Variants in THEMIS observed in about 807,000 individuals in gnomAD.
THEMIS encodes the protein protein THEMIS.
THEMIS carries 37 observed loss-of-function variants against 52.6 expected under a neutral mutation model. The ratio of observed to expected loss-of-function variants is 0.70; its 90% CI spans 0.54 to 0.93. THEMIS has a LOEUF of 0.93. THEMIS is among the 40% of genes least tolerant of loss of function. The pLI is 0.00. For missense variants in THEMIS, 808 were observed against 763.1 expected, an observed-to-expected ratio of 1.06 and a Z score of -0.69; for synonymous variants, 292 against 272.7, an observed-to-expected ratio of 1.07 and a Z score of -0.70.
At chr6:127,853,763 T>C (rs1779511232) in intron 2 of THEMIS, among the ~76,000 whole-genome samples, 1 of 151,662 alleles carries the variant, frequency 6.6e-6, no homozygotes, top group African/African-American at 2.4e-5. Flanking sequence ...ACACTAAATA[T>C]ATTTCAATAC....
At chr6:127,821,115 C>T (rs566612594) in intron 3 of THEMIS, among the ~76,000 whole-genome samples, 2 of 151,532 alleles carry the variant, frequency 1.3e-5, no homozygotes, top group Non-Finnish European at 3.0e-5. Flanking sequence ...TTTTAGACAA[C>T]AACGGCTTAT....
intron 4 of THEMIS, among the ~76,000 whole-genome samples, chr6:127,753,056 T>C (rs904274937): frequency 1.3e-5 from 2 of 151,808 alleles, no homozygotes; most frequent in Admixed American, 6.6e-5. Context: ...GGAATGATGA[T>C]TAAAAATCAC....
chr6:127,844,579 CT>C (rs1182993664), intron 2 of THEMIS, among the ~76,000 whole-genome samples: 6 of 150,930 alleles, frequency 4.0e-5, no homozygotes, highest in Non-Finnish European at 8.9e-5. Context: ...TGTGAACTTG[CT>C]GTTTGGGAAA....
intron 1 of THEMIS, among the ~76,000 whole-genome samples, chr6:127,876,459 T>A (rs1454907040): frequency 2.6e-5 from 4 of 152,230 alleles, no homozygotes; most frequent in African/African-American, 9.6e-5. Flanking sequence ...TGGTCCTGTC[T>A]AATTCCTTTT....
intron 1 of THEMIS, among the ~76,000 whole-genome samples, chr6:127,888,293 T>G (rs1399090305): frequency 6.6e-6 from 1 of 151,856 alleles, no homozygotes; most frequent in Non-Finnish European, 1.5e-5. Context: ...AACAGAGGAG[T>G]GACATAATCT....
At chr6:127,697,787 A>T in the THEMIS span, among the ~76,000 whole-genome samples, 1 of 152,170 alleles carries the variant, frequency 6.6e-6, no homozygotes, top group Non-Finnish European at 1.5e-5. Context: ...TGCATATCTG[A>T]ATAGCACTGC....
intron 4 of THEMIS, among the ~76,000 whole-genome samples, chr6:127,729,146 CTCTCTCTCTCT>C (rs1562218845): frequency 4.4e-4 from 3 of 6,764 alleles, no homozygotes; most frequent in African/African-American, 2.5e-3. Flanking sequence ...TTTATTCTCT[CTCTCTCTCTCT>C]CTCTCTCTCT....
chr6:127,903,002 T>G (rs1781182837), upstream of THEMIS, among the ~76,000 whole-genome samples: 1 of 152,094 alleles, frequency 6.6e-6, no homozygotes, highest in African/African-American at 2.4e-5. Flanking sequence ...TCCATCTGCT[T>G]CTGCTCTCGC....
chr6:127,857,172 C>A (rs1441359705), intron 1 of THEMIS, among the ~76,000 whole-genome samples: 1 of 151,338 alleles, frequency 6.6e-6, no homozygotes, highest in Non-Finnish European at 1.5e-5. Flanking sequence ...AGGGAAAGAA[C>A]AATTAAGCAG....
chr6:127,902,907 AT>A (rs1250511924), upstream of THEMIS, among the ~76,000 whole-genome samples: 2 of 151,950 alleles, frequency 1.3e-5, no homozygotes, highest in African/African-American at 2.4e-5. Context: ...GATATCACTT[AT>A]TTTTTTAATA....
rs138147072 is a variant in THEMIS, at chr6:127,724,887, C to T, written c.1759-5064G>A. On this transcript the variant is annotated intron_variant, in intron 4 of 5. Coordinates refer to ENST00000368248, the MANE Select transcript of THEMIS (RefSeq NM_001010923.3). The stretch of plus-strand genomic sequence containing the variant: ...AGCTCTTCAAATCTATCTTTCATCT[C>T]ATACCTAAGGCCATGCCGTTGAATA... 2.8e-4 allele frequency among the ~76,000 whole-genome samples: 42 copies of T among 152,140 alleles called. No homozygotes were observed. In the East Asian group the frequency reaches 8.1e-3, roughly 30 times the overall value.
intron 2 of THEMIS, among the ~76,000 whole-genome samples, chr6:127,850,978 T>C (rs1232011700): frequency 1.3e-5 from 2 of 151,578 alleles, no homozygotes; most frequent in Non-Finnish European, 3.0e-5. Flanking sequence ...ATTTAAAATA[T>C]ATACAAAGAA....
At chr6:127,916,772 C>T (rs1020097178) in intron 1 of THEMIS, among the ~76,000 whole-genome samples, 5 of 152,216 alleles carry the variant, frequency 3.3e-5, no homozygotes, top group Non-Finnish European at 5.9e-5. Context: ...AAGCCAGAGT[C>T]GGTTTCTGTT....
intron 2 of THEMIS, among the ~76,000 whole-genome samples, chr6:127,833,762 T>C (rs140497202): frequency 1.3e-5 from 2 of 152,242 alleles, no homozygotes; most frequent in East Asian, 3.9e-4. Flanking sequence ...GAACTTCTAA[T>C]GGAAACACTG....
intron 4 of THEMIS, among the ~76,000 whole-genome samples, chr6:127,759,853 T>TCCCA (rs1370125395): frequency 3.8e-5 from 3 of 78,488 alleles, no homozygotes; most frequent in African/African-American, 1.4e-4. Context: ...CCTCCCTCCC[T>TCCCA]CCCTCCTTCC....
intron 1 of THEMIS, among the ~76,000 whole-genome samples, chr6:127,855,905 T>C (rs978312565): frequency 6.6e-6 from 1 of 151,672 alleles, no homozygotes; most frequent in African/African-American, 2.4e-5. Context: ...CAGTGAGGAG[T>C]AAAATAACCA....
intron 5 of THEMIS, among the ~76,000 whole-genome samples, chr6:127,713,420 A>G (rs1774049787): frequency 6.6e-6 from 1 of 151,892 alleles, no homozygotes; most frequent in Non-Finnish European, 1.5e-5. Context: ...TATTCAAGAA[A>G]TACTTACTGT....
intron 2 of THEMIS, among the ~76,000 whole-genome samples, chr6:127,841,061 A>T (rs1221525696): frequency 6.6e-6 from 1 of 152,076 alleles, no homozygotes; most frequent in Non-Finnish European, 1.5e-5. Context: ...CATAGAATGT[A>T]CAACACCAAA....
chr6:127,901,112 G>A (rs1781123162), upstream of THEMIS: 3 of 588,358 alleles, frequency 5.1e-6, no homozygotes, highest in East Asian at 2.8e-5. Context: ...AGAGGGAGGG[G>A]GGAAGCAGGA....
Sources: allele counts gnomAD v4.1 joint callset (sites outside exome capture counted in the v4.1 genomes callset), GRCh38; gene constraint gnomAD v4.1.1; transcripts MANE v1.5; gene names NCBI Gene and HGNC (gene_info 2026-07-23, HGNC 2026-07-21).